The following CEP85L variants were observed in gnomAD, a reference collection of about 807,000 sequenced individuals.
CEP85L encodes centrosomal protein 85L, also known as centrosomal protein of 85 kDa-like.
CEP85L carries 60 observed loss-of-function variants against 100.3 expected under a neutral mutation model. The observed-to-expected ratio is 0.60, with a 90% confidence interval of 0.49 to 0.74. The LOEUF is 0.74. Among genes scored for constraint, CEP85L ranks in the 30% least tolerant of loss-of-function variants. The pLI is 0.00. For synonymous variants in CEP85L, 319 were observed against 322.7 expected (o/e 0.99, Z 0.12); for missense variants, 973 against 936.2 (o/e 1.04, Z -0.51).
intron 2 of CEP85L, among the ~76,000 whole-genome samples, chr6:118,605,544 G>A (rs1001819660): frequency 3.9e-5 from 6 of 152,148 alleles, no homozygotes; most frequent in Non-Finnish European, 8.8e-5. Context: ...ATAACACAAT[G>A]CAAAACAGAA....
chr6:118,627,072 G>A (rs558153021), intron 2 of CEP85L, among the ~76,000 whole-genome samples: 4 of 151,830 alleles, frequency 2.6e-5, no homozygotes, highest in Admixed American at 1.3e-4. Flanking sequence ...GGTGGTGGGT[G>A]CCTGTAATCC....
At chr6:118,663,143 C>A (rs965913907) in intron 1 of CEP85L, among the ~76,000 whole-genome samples, 5 of 151,800 alleles carry the variant, frequency 3.3e-5, no homozygotes, top group Non-Finnish European at 4.4e-5. Flanking sequence ...TTGGAGAAAC[C>A]GATATACACT....
At chr6:118,477,244 G>A (rs1029363733) in intron 10 of CEP85L, among the ~76,000 whole-genome samples, 1 of 152,060 alleles carries the variant, frequency 6.6e-6, no homozygotes, top group African/African-American at 2.4e-5. Flanking sequence ...GAAAAAAACA[G>A]TAGATAAATC....
At chr6:118,472,802 C>A (rs754365592) in intron 10 of CEP85L, among the ~76,000 whole-genome samples, 1 of 152,150 alleles carries the variant, frequency 6.6e-6, no homozygotes, top group African/African-American at 2.4e-5. Context: ...CAAACACCTA[C>A]AACAGCTCTC....
chr6:118,592,857 A>T (rs2115130290), intron 2 of CEP85L, among the ~76,000 whole-genome samples: 1 of 152,312 alleles, frequency 6.6e-6, no homozygotes, highest in South Asian at 2.1e-4. Context: ...AGCAGAAGTA[A>T]TGGCTGAAAT....
chr6:118,482,310 CTCT>C (rs1773850410), intron 7 of CEP85L, among the ~76,000 whole-genome samples: 1 of 152,102 alleles, frequency 6.6e-6, no homozygotes, highest in Non-Finnish European at 1.5e-5. Context: ...ATCTCCAGAA[CTCT>C]TCATCTTGCA....
chr6:118,644,588 C>G (rs1775067790), intron 1 of CEP85L, among the ~76,000 whole-genome samples: 1 of 152,170 alleles, frequency 6.6e-6, no homozygotes, highest in Non-Finnish European at 1.5e-5. Flanking sequence ...TCTCTCCCCA[C>G]CGCCCTCTGC....
intron 6 of CEP85L, among the ~76,000 whole-genome samples, chr6:118,487,706 T>C (rs1380726110): frequency 6.6e-6 from 1 of 152,184 alleles, no homozygotes; most frequent in Admixed American, 6.5e-5. Flanking sequence ...GCCTTGCCTG[T>C]CTTGGAACAC....
chr6:118,485,180 A>G (rs2114560936), intron 6 of CEP85L, among the ~76,000 whole-genome samples: 1 of 152,294 alleles, frequency 6.6e-6, no homozygotes, highest in Admixed American at 6.5e-5. Flanking sequence ...ATTTACTCCT[A>G]TTTACCTTAA....
rs970152445 is a variant in CEP85L at position 118,465,578 on chromosome 6, T to G, written c.2255-10A>C. 5.6e-6 allele frequency: 9 copies of G among 1,604,074 alleles called. No individual in the cohort carries two copies. In the African/African-American group the frequency reaches 1.2e-4, roughly 22 times the overall value. ...GCTGAACAGTTCATTGCTGTGTAAA[T>G]AAAACATAGAGAGAATATCTCACAT... is the stretch of plus-strand genomic sequence containing the variant. On this transcript the variant is annotated splice_polypyrimidine_tract_variant and intron_variant, in intron 12 of 12. Coordinates refer to ENST00000368491, the MANE Select transcript of CEP85L (RefSeq NM_001042475.3).
intron 2 of CEP85L, among the ~76,000 whole-genome samples, chr6:118,577,848 C>T (rs892132244): frequency 6.6e-6 from 1 of 152,174 alleles, no homozygotes; most frequent in Non-Finnish European, 1.5e-5. Flanking sequence ...ATAACCTTTA[C>T]TCCCCTTGCA....
chr6:118,642,340 A>G (rs377415534), intron 1 of CEP85L, among the ~76,000 whole-genome samples: 1 of 152,202 alleles, frequency 6.6e-6, no homozygotes. Flanking sequence ...GGGGAGGTGA[A>G]TTGAGAAACT....
chr6:118,507,707 G>A (rs1365354786), intron 5 of CEP85L, among the ~76,000 whole-genome samples: 1 of 152,010 alleles, frequency 6.6e-6, no homozygotes, highest in Admixed American at 6.6e-5. Context: ...TTCTCCATAT[G>A]CCATACACTA....
chr6:118,652,488 A>T (rs1463218142), upstream of CEP85L: 4 of 1,324,436 alleles, frequency 3.0e-6, no homozygotes, highest in Admixed American at 1.4e-4. Context: ...CTGTGGTGGG[A>T]GGCGGGCTCT....
chr6:118,688,306 T>C (rs779459446), intron 1 of CEP85L, among the ~76,000 whole-genome samples: 3 of 152,152 alleles, frequency 2.0e-5, no homozygotes, highest in Non-Finnish European at 4.4e-5. Flanking sequence ...CAGTCCTCTG[T>C]TTTATTTTTA....
At chr6:118,658,872 A>T (rs1042379339) in intron 1 of CEP85L, among the ~76,000 whole-genome samples, 1 of 152,124 alleles carries the variant, frequency 6.6e-6, no homozygotes, top group African/African-American at 2.4e-5. Context: ...TTATATTTGG[A>T]CATATCTAGA....
intron 3 of CEP85L, among the ~76,000 whole-genome samples, chr6:118,554,278 C>A (rs1340304388): frequency 6.6e-6 from 1 of 152,044 alleles, no homozygotes; most frequent in African/African-American, 2.4e-5. Flanking sequence ...CAGAGCAAGA[C>A]CCTGTCAGTC....
At chr6:118,628,637 AAAAC>A (rs138925552) in intron 2 of CEP85L, among the ~76,000 whole-genome samples, 106,287 of 150,460 alleles carry the variant, frequency 0.71, 38,249 homozygotes, top group African/African-American at 0.75. Context: ...TCCATCCAAA[AAAAC>A]AAACAAACAA....
At chr6:118,649,815 T>TG (rs1283613394) in intron 1 of CEP85L, among the ~76,000 whole-genome samples, 6 of 152,226 alleles carry the variant, frequency 3.9e-5, no homozygotes, top group Admixed American at 3.9e-4. Flanking sequence ...CTTAAGTGAA[T>TG]GATTCAAATC....
Sources: gnomAD v4.1 joint callset for allele counts (sites outside exome capture counted in the v4.1 genomes callset) on GRCh38, gnomAD v4.1.1 for gene constraint, MANE v1.5 for transcripts, NCBI Gene and HGNC (gene_info 2026-07-23, HGNC 2026-07-21) for gene names.